CSMD1: variants seen among roughly 807,000 people sequenced by gnomAD.
CSMD1 encodes the protein CUB and Sushi multiple domains 1.
In CSMD1, 213 loss-of-function variants were observed where a neutral mutation model predicts 417.5. That is an observed-to-expected ratio of 0.51 (90% CI 0.46 to 0.57). CSMD1 has a LOEUF of 0.57. Among genes scored for constraint, CSMD1 ranks in the 20% least tolerant of loss-of-function variants. The pLI is 0.00. For synonymous variants in CSMD1, 2,862 were observed against 1,736.8 expected (o/e 1.65, Z -16.11); for missense variants, 6,923 against 4,529.7 (o/e 1.53, Z -15.17).
intron 5 of CSMD1, among the ~76,000 whole-genome samples, chr8:3,991,493 T>C (rs1814747872): frequency 6.6e-6 from 1 of 152,198 alleles, no homozygotes; most frequent in South Asian, 2.1e-4. Flanking sequence ...CATTATGTTA[T>C]ACCCAGAAAT....
chr8:3,766,932 G>A (rs758561940), intron 5 of CSMD1, among the ~76,000 whole-genome samples: 1 of 152,130 alleles, frequency 6.6e-6, no homozygotes, highest in African/African-American at 2.4e-5. Context: ...TATCCAACGA[G>A]TCCGACGGCA....
intron 3 of CSMD1, among the ~76,000 whole-genome samples, chr8:4,173,870 G>A (rs78171195): frequency 0.013 from 1,985 of 152,216 alleles, 35 homozygotes; most frequent in African/African-American, 0.042. Flanking sequence ...TCTTCTCTCC[G>A]GGTTTGAAGT....
intron 3 of CSMD1, among the ~76,000 whole-genome samples, chr8:4,257,783 G>A (rs1049974762): frequency 6.6e-6 from 1 of 152,150 alleles, no homozygotes; most frequent in South Asian, 2.1e-4. Flanking sequence ...CCGCCTCGTA[G>A]GAATGCCACT....
intron 3 of CSMD1, among the ~76,000 whole-genome samples, chr8:4,335,098 C>T (rs778677156): frequency 7.2e-5 from 11 of 152,090 alleles, no homozygotes; most frequent in South Asian, 2.1e-4. Flanking sequence ...GACAGAGCCA[C>T]ACAATGTTGC....
chr8:4,592,529 G>A (rs1428703345), intron 2 of CSMD1, among the ~76,000 whole-genome samples: 5 of 151,912 alleles, frequency 3.3e-5, no homozygotes, highest in Non-Finnish European at 7.4e-5. Flanking sequence ...TAGAACTACA[G>A]GGGCCGGCCA....
chr8:3,012,158 T>C (rs1175553723), intron 52 of CSMD1, among the ~76,000 whole-genome samples: 1 of 152,244 alleles, frequency 6.6e-6, no homozygotes, highest in Non-Finnish European at 1.5e-5. Context: ...CGGATGCACC[T>C]GTGCATTACT....
At chr8:4,095,556 G>C (rs1032953060) in intron 3 of CSMD1, among the ~76,000 whole-genome samples, 2 of 152,184 alleles carry the variant, frequency 1.3e-5, no homozygotes, top group Non-Finnish European at 2.9e-5. Flanking sequence ...TTAAGGAACT[G>C]GGAATAAATG....
chr8:4,349,768 CCATT>C (rs1361465702), intron 3 of CSMD1, among the ~76,000 whole-genome samples: 2 of 151,598 alleles, frequency 1.3e-5, no homozygotes, highest in African/African-American at 4.8e-5. Flanking sequence ...AATCTTTCCT[CCATT>C]AAGATATTTA....
intron 6 of CSMD1, among the ~76,000 whole-genome samples, chr8:3,720,932 C>A (rs1017565704): frequency 1.3e-5 from 2 of 152,134 alleles, no homozygotes; most frequent in South Asian, 2.1e-4. Flanking sequence ...TCTCCTGCCT[C>A]AGCCTCCCAA....
chr8:4,828,982 A>C (rs772298593), intron 1 of CSMD1, among the ~76,000 whole-genome samples: 1 of 152,204 alleles, frequency 6.6e-6, no homozygotes, highest in African/African-American at 2.4e-5. Flanking sequence ...CTGACACATG[A>C]TTATTTATCA....
intron 52 of CSMD1, among the ~76,000 whole-genome samples, chr8:3,006,490 G>T (rs1210230335): frequency 6.6e-6 from 1 of 152,096 alleles, no homozygotes; most frequent in Non-Finnish European, 1.5e-5. Flanking sequence ...AAAGAACAAA[G>T]CTGGAGGTAT....
chr8:4,271,631 A>C (rs969891899), intron 3 of CSMD1, among the ~76,000 whole-genome samples: 1 of 152,178 alleles, frequency 6.6e-6, no homozygotes, highest in Non-Finnish European at 1.5e-5. Context: ...CAGCAGCTTT[A>C]AAGAAAGGAA....
chr8:3,984,574 G>C (rs35055789), intron 5 of CSMD1, among the ~76,000 whole-genome samples: 4,185 of 151,250 alleles, frequency 0.028, 76 homozygotes, highest in South Asian at 0.048. Context: ...ATATAGCCAA[G>C]TACAATATTT....
At chr8:4,143,490 A>C (rs534746432) in intron 3 of CSMD1, among the ~76,000 whole-genome samples, 1 of 150,868 alleles carries the variant, frequency 6.6e-6, no homozygotes, top group South Asian at 2.1e-4. Flanking sequence ...CTCATAGTTA[A>C]AGCTGGTTAA....
intron 2 of CSMD1, among the ~76,000 whole-genome samples, chr8:4,609,113 A>G (rs899031815): frequency 6.6e-6 from 1 of 152,170 alleles, no homozygotes; most frequent in African/African-American, 2.4e-5. Flanking sequence ...TCAAGATGAA[A>G]TACTCGCCAG....
chr8:4,666,569 A>G (rs1362255562), intron 1 of CSMD1, among the ~76,000 whole-genome samples: 3 of 152,260 alleles, frequency 2.0e-5, no homozygotes, highest in African/African-American at 4.8e-5. Flanking sequence ...TCTGACTTCT[A>G]AAACTGTAAA....
chr8:3,656,093 A>T (rs73181171), intron 7 of CSMD1, among the ~76,000 whole-genome samples: 2 of 152,148 alleles, frequency 1.3e-5, no homozygotes, highest in Non-Finnish European at 2.9e-5. Context: ...CTACACACAG[A>T]TGCTACCAGA....
intron 2 of CSMD1, among the ~76,000 whole-genome samples, chr8:4,474,639 T>G (rs925051068): frequency 7.9e-5 from 12 of 152,104 alleles, no homozygotes; most frequent in Non-Finnish European, 1.8e-4. Flanking sequence ...CCTCAGGAAT[T>G]ACAGAGTAAA....
intron 12 of CSMD1, among the ~76,000 whole-genome samples, chr8:3,444,872 G>A (rs1014616595): frequency 5.9e-5 from 9 of 152,086 alleles, no homozygotes; most frequent in African/African-American, 1.9e-4. Context: ...GAATACTATC[G>A]ATTTGTGGCA....
Sources: allele counts gnomAD v4.1 joint callset (sites outside exome capture counted in the v4.1 genomes callset), GRCh38; gene constraint gnomAD v4.1.1; transcripts MANE v1.5; gene names NCBI Gene and HGNC (gene_info 2026-07-23, HGNC 2026-07-21).